The following DGKG variants were observed in gnomAD, a reference collection of about 807,000 sequenced individuals.
DGKG encodes the protein diacylglycerol kinase gamma, also known as DAG kinase gamma.
In DGKG, 78 loss-of-function variants were observed where a neutral mutation model predicts 105.3. The observed-to-expected ratio is 0.74, with a 90% confidence interval of 0.62 to 0.89. The LOEUF (loss-of-function observed/expected upper bound fraction) is 0.89. Ranked by LOEUF, DGKG falls within the 40% of genes least tolerant of loss-of-function variation. The pLI is 0.00. For missense variants in DGKG, 958 were observed against 1,020.1 expected, an observed-to-expected ratio of 0.94 and a Z score of 0.83; for synonymous variants, 346 against 367.1, an observed-to-expected ratio of 0.94 and a Z score of 0.66.
intron 20 of DGKG, among the ~76,000 whole-genome samples, chr3:186,220,908 A>G (rs1719540972): frequency 6.6e-6 from 1 of 152,166 alleles, no homozygotes. Context: ...GGATCTCCGA[A>G]TTCTGTCTGG....
Position 186,315,029 on chromosome 3 carries a change from T to C in DGKG, c.67+5364A>G, listed in dbSNP as rs527715183. On this transcript the variant is annotated intron_variant, in intron 2 of 24. Coordinates refer to ENST00000265022, the MANE Select transcript of DGKG (RefSeq NM_001346.3). ...AGGGTCAGTAGGCGGCATCCCCACATGCACACACCCTCTGCGGTAGAAATC... is the reference window on the plus strand; with the variant it reads ...AGGGTCAGTAGGCGGCATCCCCACACGCACACACCCTCTGCGGTAGAAATC... Among the ~76,000 whole-genome samples the C allele has an allele frequency of 2.0e-5, 3 of 152,232 alleles. No homozygotes were observed. In the East Asian group the frequency reaches 5.8e-4, roughly 29 times the overall value.
intron 20 of DGKG, among the ~76,000 whole-genome samples, chr3:186,221,327 C>G (rs992055860): frequency 1.3e-5 from 2 of 152,128 alleles, no homozygotes; most frequent in Admixed American, 1.3e-4. Context: ...AAAATAGCTC[C>G]TTTCCCTCAT....
chr3:186,227,825 G>A (rs966059890), intron 20 of DGKG, among the ~76,000 whole-genome samples: 1 of 152,132 alleles, frequency 6.6e-6, no homozygotes, highest in African/African-American at 2.4e-5. Context: ...AAATATGGGC[G>A]ACTGAATATG....
In DGKG at chr3:186,267,738, C is replaced by T; in HGVS notation, c.1156G>A (p.Gly386Arg). 5 of 1,614,028 alleles carry T rather than the reference C, an allele frequency of 3.1e-6. No individual in the cohort carries two copies. Among genetic ancestry groups the T allele is most frequent in the Non-Finnish European group, 4.2e-6 (5 of 1,179,956 alleles). The change falls in exon 13 of 25, where the codon GGG becomes AGG. Residue 386 changes from glycine (G) to arginine (R), a missense_variant. This residue lies in a region of DGKG where 643 missense variants were observed against 619.5 expected (regional missense o/e 1.04). Transcript: ENST00000265022. Reference sequence around the variant, plus strand: ...AGTAAGATGTGGTCTCTGAGTTCCCCACCGTCACACAACGTTGATAATTCA... The same window carrying T: ...AGTAAGATGTGGTCTCTGAGTTCCCTACCGTCACACAACGTTGATAATTCA... ...KCELSTLCDGGELRDHILLPT... is the reference protein window; with the variant it reads ...KCELSTLCDGRELRDHILLPT...
At chr3:186,196,944 A>T (rs1036143889) in intron 21 of DGKG, among the ~76,000 whole-genome samples, 19 of 152,114 alleles carry the variant, frequency 1.2e-4, no homozygotes, top group African/African-American at 3.4e-4. Context: ...GGATAATGTG[A>T]TTGAGGAAAA....
chr3:186,325,602 TC>T (rs1725298494), intron 1 of DGKG, among the ~76,000 whole-genome samples: 1 of 152,096 alleles, frequency 6.6e-6, no homozygotes, highest in Non-Finnish European at 1.5e-5. Flanking sequence ...ATTCCATCAT[TC>T]CCTTTATATT....
intron 23 of DGKG, among the ~76,000 whole-genome samples, chr3:186,162,499 T>A (rs1480901520): frequency 1.3e-5 from 2 of 152,174 alleles, no homozygotes; most frequent in African/African-American, 4.8e-5. Flanking sequence ...CAGGTCTGAG[T>A]GTGTCTTGCC....
intron 3 of DGKG, among the ~76,000 whole-genome samples, chr3:186,305,831 G>A (rs1350798734): frequency 6.6e-6 from 1 of 152,154 alleles, no homozygotes; most frequent in Admixed American, 6.5e-5. Context: ...ATAGTTTCAG[G>A]TTGAATAACT....
chr3:186,261,305 C>T (rs908598222), intron 15 of DGKG, among the ~76,000 whole-genome samples: 3 of 152,204 alleles, frequency 2.0e-5, no homozygotes, highest in Non-Finnish European at 4.4e-5. Flanking sequence ...GATGCACTGG[C>T]TTCTCACGGG....
intron 21 of DGKG, among the ~76,000 whole-genome samples, chr3:186,200,571 T>G (rs1718403747): frequency 1.3e-5 from 2 of 152,166 alleles, no homozygotes; most frequent in Admixed American, 6.5e-5. Context: ...TGGAACTAAA[T>G]CCCCTTCCAG....
At chr3:186,202,511 G>T (rs180733452) in intron 21 of DGKG, among the ~76,000 whole-genome samples, 1 of 152,232 alleles carries the variant, frequency 6.6e-6, no homozygotes, top group South Asian at 2.1e-4. Flanking sequence ...CCCATGTGTG[G>T]TGATGAAGAT....
At chr3:186,155,698 A>G (rs1470945978) in intron 24 of DGKG, among the ~76,000 whole-genome samples, 1 of 152,228 alleles carries the variant, frequency 6.6e-6, no homozygotes, top group African/African-American at 2.4e-5. Flanking sequence ...ACGTATATTA[A>G]TATTTATAAC....
intron 2 of DGKG, among the ~76,000 whole-genome samples, chr3:186,316,689 T>C (rs1391384058): frequency 6.6e-6 from 1 of 152,200 alleles, no homozygotes; most frequent in Non-Finnish European, 1.5e-5. Context: ...ACCCTCACCC[T>C]ATAGAAGGTC....
chr3:186,266,449 G>A (rs1378003560), intron 13 of DGKG, among the ~76,000 whole-genome samples: 1 of 152,190 alleles, frequency 6.6e-6, no homozygotes, highest in Non-Finnish European at 1.5e-5. Context: ...GCTGCTATGA[G>A]CATTCTTGTG....
intron 20 of DGKG, among the ~76,000 whole-genome samples, chr3:186,216,429 AAGTG>A (rs1340732044): frequency 2.0e-5 from 3 of 152,182 alleles, no homozygotes; most frequent in African/African-American, 7.2e-5. Context: ...TTTTGGCTAG[AAGTG>A]AATGCATTCT....
At chr3:186,270,766 G>A (rs553825853) in intron 11 of DGKG, among the ~76,000 whole-genome samples, 3 of 152,346 alleles carry the variant, frequency 2.0e-5, no homozygotes, top group African/African-American at 7.2e-5. Flanking sequence ...GTCCAGGGCT[G>A]TTTCCCCAAC....
At chr3:186,317,297 T>C (rs1724864127) in intron 2 of DGKG, among the ~76,000 whole-genome samples, 1 of 152,196 alleles carries the variant, frequency 6.6e-6, no homozygotes, top group Non-Finnish European at 1.5e-5. Context: ...CTTCTTTTCT[T>C]TCCTAACATT....
intron 3 of DGKG, among the ~76,000 whole-genome samples, chr3:186,299,429 C>T (rs899862838): frequency 2.0e-5 from 3 of 152,170 alleles, no homozygotes; most frequent in Non-Finnish European, 2.9e-5. Context: ...CACTGAGGGG[C>T]TCACAAATAA....
At chr3:186,205,447 C>T (rs1457923542) in intron 21 of DGKG, among the ~76,000 whole-genome samples, 5 of 151,196 alleles carry the variant, frequency 3.3e-5, no homozygotes, top group Admixed American at 6.6e-5. Flanking sequence ...CGGTGGCTCA[C>T]GCCTGTAATC....
Sources: gnomAD v4.1 joint callset for allele counts (sites outside exome capture counted in the v4.1 genomes callset) on GRCh38, gnomAD v4.1.1 for gene constraint, gnomAD v4.1.1 regional missense constraint, MANE v1.5 for transcripts, NCBI Gene and HGNC (gene_info 2026-07-23, HGNC 2026-07-21) for gene names.